The following ZNF320 variants were observed in gnomAD, a reference collection of about 807,000 sequenced individuals.
ZNF320 encodes the protein zinc finger protein 320, also known as zinc finger gene 320.
A neutral mutation model predicts 6.8 loss-of-function variants in ZNF320; 2 were observed. That is an observed-to-expected ratio of 0.29 (90% CI 0.12 to 0.93). ZNF320 has a LOEUF of 0.93. ZNF320 is among the 40% of genes least tolerant of loss of function. The pLI is 0.55. For missense variants in ZNF320, 472 were observed against 611.0 expected (o/e 0.77, Z 2.40); for synonymous variants, 208 against 203.2 (o/e 1.02, Z -0.20).
Position 52,881,873 on chromosome 19 carries a change from A to C in ZNF320, c.253T>G (p.Phe85Val), listed in dbSNP as rs1393160923. 1.2e-6 allele frequency: 2 copies of C among 1,613,760 alleles called. No homozygotes were observed. Among genetic ancestry groups the C allele is most frequent in the Admixed American group, 1.7e-5 (1 of 59,972 alleles). ...QRQASYHIGA[F>V]CSQEIEKDIH... ...TCTTTCTCAATTTCCTGGGAGCAAAATGCTCCAATGTGATAACTTGCTTGT... is the reference window on the plus strand; with the variant it reads ...TCTTTCTCAATTTCCTGGGAGCAAACTGCTCCAATGTGATAACTTGCTTGT... The change falls in exon 6 of 6, where the codon TTT (phenylalanine) becomes GTT (valine). Residue 85 changes from phenylalanine to valine, a missense_variant. By Grantham distance (50) the Phe-to-Val change is conservative (BLOSUM62 -1). Around this residue, in one of 2 missense-constraint regions of ZNF320, gnomAD observed 462 missense variants for 559.7 expected, o/e 0.83. Coordinates refer to ENST00000682928, the MANE Select transcript of ZNF320 (RefSeq NM_001351774.2).
intron 2 of ZNF320, among the ~76,000 whole-genome samples, chr19:52,892,975 C>T (rs886136249): frequency 4.6e-5 from 7 of 152,068 alleles, no homozygotes; most frequent in African/African-American, 7.2e-5. Context: ...TACATTTCTC[C>T]AGTTGCTTTT....
downstream of ZNF320, among the ~76,000 whole-genome samples, chr19:52,872,410 A>C (rs950824165): frequency 6.6e-6 from 1 of 152,250 alleles, no homozygotes; most frequent in East Asian, 1.9e-4. Flanking sequence ...ACACAGGGAC[A>C]AAGTATAGAG....
rs1324031076 is a variant in ZNF320, at chr19:52,877,102, T to A, written c.*3494A>T. 6.6e-6 allele frequency: 1 copy of A among 152,294 alleles called. No individual in the cohort carries two copies. The highest frequency in any genetic ancestry group is 1.5e-5 in the Non-Finnish European group (1 of 68,142). 9.4% of individuals were successfully genotyped at this position (152,294 alleles called of 1,614,324 possible). On this transcript the variant is annotated 3_prime_UTR_variant, in exon 6 of 6. Transcript: ENST00000682928. ...TGCCTGGCCAACAGAATGAGACCCA[T>A]CTTTAATAGAAATGAAGAAAAAGGA... is the stretch of plus-strand genomic sequence containing the variant.
Position 52,881,294 on chromosome 19 carries a change from A to G in ZNF320, c.832T>C (p.Cys278Arg), listed in dbSNP as rs201426395. 2 of 1,614,108 alleles carry G rather than the reference A, an allele frequency of 1.2e-6. No homozygotes were observed. The highest frequency in any genetic ancestry group is 8.5e-7 in the Non-Finnish European group (1 of 1,180,006). The change falls in exon 6 of 6, where the codon TGT becomes CGT. Residue 278 changes from cysteine (C) to arginine (R), a missense_variant. Coordinates refer to ENST00000682928, the MANE Select transcript of ZNF320 (RefSeq NM_001351774.2). ...GAATTTCGAGCGAAGGTCTTGCCAC[A>G]CTCATTACATTTGTAAGGTTTCTCT... ...TGEKPYKCNE[C>R]GKTFARNSVL...
At chr19:52,898,654 T>C (rs2064541381), upstream of ZNF320, among the ~76,000 whole-genome samples, 1 of 152,326 alleles carries the variant, frequency 6.6e-6, no homozygotes. Context: ...ATTTCTGTCC[T>C]TTTTAAGGGT....
At chr19:52,901,052 T>C (rs953466272), upstream of ZNF320, among the ~76,000 whole-genome samples, 12 of 152,170 alleles carry the variant, frequency 7.9e-5, no homozygotes, top group Non-Finnish European at 1.8e-4. Context: ...TAGCTATTAT[T>C]TTACTTGTGT....
Position 52,861,032 on chromosome 19 carries a change from A to AAACAAAC in ZNF320, c.*2996_*2997insGTTTGTT, listed in dbSNP as rs1568689547. ...ACAAACAAACAAACAAACAAACAAA[A>AAACAAAC]CAAAAACGAAAACTCATCCAAATCA... On this transcript the variant is annotated 3_prime_UTR_variant, in exon 6 of 6. Coordinates refer to the ZNF320 transcript ENST00000673631. Among the ~76,000 whole-genome samples the AAACAAAC allele has an allele frequency of 1.8e-3, 279 of 151,408 alleles. 2 individuals are homozygous for AAACAAAC. Among genetic ancestry groups the AAACAAAC allele is most frequent in the African/African-American group, 5.6e-3 (229 of 40,790 alleles).
intron 5 of ZNF320, among the ~76,000 whole-genome samples, chr19:52,869,348 C>T (rs2063637421): frequency 6.6e-6 from 1 of 151,942 alleles, no homozygotes; most frequent in African/African-American, 2.4e-5. Flanking sequence ...CAACAATATA[C>T]CAAGTATAGA....
chr19:52,869,054 G>A lies in ZNF320; in HGVS notation c.224-4895C>T, dbSNP rs138539897. 2.1e-3 allele frequency among the ~76,000 whole-genome samples: 323 copies of A among 152,224 alleles called. 1 individual carries two copies. Among genetic ancestry groups the A allele is most frequent in the African/African-American group, 7.3e-3 (305 of 41,550 alleles). On this transcript the variant is annotated intron_variant, in intron 5 of 5. Coordinates refer to the ZNF320 transcript ENST00000673631. ...CAAGGCCAGGAAAGGAAGGGCAAGG[G>A]TGGAGAGCAGGAAGTAATGGGCATG...
intron 3 of ZNF320, among the ~76,000 whole-genome samples, chr19:52,890,647 A>G (rs1263087866): frequency 6.7e-6 from 1 of 149,988 alleles, no homozygotes; most frequent in Non-Finnish European, 1.5e-5. Flanking sequence ...CGAGGTGGGT[A>G]GATCGCTTGA....
chr19:52,880,527 T>C lies in ZNF320; in HGVS notation c.*69A>G, dbSNP rs2147810354. On this transcript the variant is annotated 3_prime_UTR_variant, in exon 6 of 6. Transcript: ENST00000682928. ...AATCCTCTTAACATAAACAGTTTAATGTCGATTAATGCTTGAAATCAATGT... is the reference window on the plus strand; with the variant it reads ...AATCCTCTTAACATAAACAGTTTAACGTCGATTAATGCTTGAAATCAATGT... 6.9e-7 allele frequency: 1 copy of C among 1,450,028 alleles called. No individual in the cohort carries two copies. Among genetic ancestry groups the C allele is most frequent in the East Asian group, 2.3e-5 (1 of 44,094 alleles). The allele number at this position is 1,450,028 out of a possible 1,614,324, so 89.8% of individuals were successfully genotyped here. A position where few individuals can be genotyped will look rare whatever the true frequency, so the allele number is the denominator to read the frequency against.
chr19:52,896,500 G>A (rs1259037773), intron 1 of ZNF320, among the ~76,000 whole-genome samples: 4 of 152,134 alleles, frequency 2.6e-5, no homozygotes, highest in African/African-American at 7.2e-5. Context: ...CTTGAGCCCT[G>A]GAGTTGGAGA....
downstream of ZNF320, among the ~76,000 whole-genome samples, chr19:52,859,905 T>A (rs2063476642): frequency 7.6e-6 from 1 of 131,798 alleles, no homozygotes; most frequent in Non-Finnish European, 1.6e-5. Flanking sequence ...CCTCTTTAAG[T>A]TTTTCTTTCT....
downstream of ZNF320, among the ~76,000 whole-genome samples, chr19:52,875,153 C>G (rs1600592039): frequency 6.6e-6 from 1 of 152,166 alleles, no homozygotes; most frequent in Admixed American, 6.5e-5. Context: ...ATCTCCCATA[C>G]TTAAAATACA....
chr19:52,880,803 G>A lies in ZNF320; in HGVS notation c.1323C>T (p.His441=), dbSNP rs1319783664. Residue 441 remains histidine, a synonymous_variant, in exon 6 of 6, where the codon CAC becomes CAT. Transcript: ENST00000682928. ...HRRIHTGEKP[H]KCGDCGKAFN... Reference sequence around the variant, plus strand: ...AGGCTTTACCACAATCACCACACTTGTGAGGTTTCTCTCCTGTATGAATCC... The same window carrying A: ...AGGCTTTACCACAATCACCACACTTATGAGGTTTCTCTCCTGTATGAATCC... The A allele has an allele frequency of 6.2e-7, 1 of 1,613,838 alleles. No homozygotes were observed. Among genetic ancestry groups the A allele is most frequent in the Non-Finnish European group, 8.5e-7 (1 of 1,179,856 alleles).
chr19:52,889,253 T>C (rs915052083), intron 4 of ZNF320, among the ~76,000 whole-genome samples: 2 of 151,714 alleles, frequency 1.3e-5, no homozygotes, highest in Non-Finnish European at 2.9e-5. Flanking sequence ...TGGAAAAGGA[T>C]ACTTTGGCAG....
In ZNF320 at chr19:52,880,456, C is replaced by T; in HGVS notation, c.*140G>A. The T allele has an allele frequency of 1.2e-6, 1 of 832,620 alleles. No individual in the cohort carries two copies. Among genetic ancestry groups the T allele is most frequent in the Admixed American group, 3.2e-5 (1 of 31,032 alleles). 51.6% of individuals were successfully genotyped at this position (832,620 alleles called of 1,614,324 possible). A position where few individuals can be genotyped will look rare whatever the true frequency, so the allele number is the denominator to read the frequency against. ...CCTCAAGTGACCTACCTGTCTTGGC[C>T]TCTCAAAGTGCTGGGATTACAGGTG... On this transcript the variant is annotated 3_prime_UTR_variant, in exon 6 of 6. Transcript: ENST00000682928.
At chr19:52,896,923 C>T (rs1444368353) in intron 1 of ZNF320, among the ~76,000 whole-genome samples, 1 of 152,210 alleles carries the variant, frequency 6.6e-6, no homozygotes, top group Non-Finnish European at 1.5e-5. Context: ...CATGGCCAAG[C>T]ACCGGCCACA....
chr19:52,865,470 T>TTACATATATATATAA lies in ZNF320; in HGVS notation c.224-1326_224-1312dup, dbSNP rs1555814147. On this transcript the variant is annotated intron_variant, in intron 5 of 5. Coordinates refer to the ZNF320 transcript ENST00000673631. ...TATATATGTAATACATATATATATATTACATATATATATAATACATATATA... is the reference window on the plus strand; with the variant it reads ...TATATATGTAATACATATATATATATTACATATATATATAATACATATATATATAATACATATATA... 247 of 40,348 alleles carry TTACATATATATATAA rather than the reference T, an allele frequency of 6.1e-3. 1 individual carries two copies. The highest frequency in any genetic ancestry group is 9.9e-3 in the Non-Finnish European group (176 of 17,744). The allele number at this position is 40,348 out of a possible 1,614,324, so 2.5% of individuals were successfully genotyped here. A position where few individuals can be genotyped will look rare whatever the true frequency, so the allele number is the denominator to read the frequency against.
Sources: allele counts gnomAD v4.1 joint callset (sites outside exome capture counted in the v4.1 genomes callset), GRCh38; gene constraint gnomAD v4.1.1; regional missense constraint gnomAD v4.1.1; transcripts MANE v1.5; gene names NCBI Gene and HGNC (gene_info 2026-07-23, HGNC 2026-07-21).